Variants in PDE4D observed in about 807,000 individuals in gnomAD.
The protein encoded by PDE4D is phosphodiesterase 4D, also known as 3',5'-cyclic-AMP phosphodiesterase 4D.
In PDE4D, 24 loss-of-function variants were observed where a neutral mutation model predicts 87.4. The observed-to-expected ratio is 0.27, with a 90% CI of 0.20 to 0.39. The LOEUF (loss-of-function observed/expected upper bound fraction) is 0.39, where lower values mean the gene tolerates loss of function less well. Among genes scored for constraint, PDE4D ranks in the 10% least tolerant of loss-of-function variants. PDE4D has a pLI of 1.00. For synonymous variants in PDE4D, 384 were observed against 383.2 expected (o/e 1.00, Z -0.02); for missense variants, 714 against 1,041.0 (o/e 0.69, Z 4.32).
intron 9 of PDE4D, 64 bp from the exon 10 acceptor site, chr5:58,989,983 GT>G: frequency 1.2e-6 from 1 of 837,024 alleles, no homozygotes; most frequent in Non-Finnish European, 1.7e-6. Context: ...CATAGAGTAT[GT>G]TTAAAAAAAA....
intron 1 of PDE4D, among the ~76,000 whole-genome samples, chr5:59,774,118 A>G (rs2152612731): frequency 6.6e-6 from 1 of 152,302 alleles, no homozygotes; most frequent in South Asian, 2.1e-4. Context: ...GGATTTTTAG[A>G]CTTTTTACTA....
At chr5:59,116,923 G>A (rs1484696673) in intron 5 of PDE4D, among the ~76,000 whole-genome samples, 2 of 152,242 alleles carry the variant, frequency 1.3e-5, no homozygotes, top group Non-Finnish European at 2.9e-5. Context: ...CTTTCTGCAA[G>A]ATGAGAGGTT....
chr5:59,370,652 A>G (rs1783798604), intron 1 of PDE4D, among the ~76,000 whole-genome samples: 1 of 152,172 alleles, frequency 6.6e-6, no homozygotes, highest in Non-Finnish European at 1.5e-5. Flanking sequence ...TGTATTTCAT[A>G]TATTTTGTAC....
chr5:59,582,677 C>G (rs1322959803), intron 1 of PDE4D, among the ~76,000 whole-genome samples: 1 of 152,050 alleles, frequency 6.6e-6, no homozygotes, highest in Non-Finnish European at 1.5e-5. Context: ...AAACAAATAA[C>G]TTTCTAGACT....
At chr5:59,031,569 G>A (rs570487690) in intron 6 of PDE4D, among the ~76,000 whole-genome samples, 12 of 148,480 alleles carry the variant, frequency 8.1e-5, no homozygotes, top group African/African-American at 2.0e-4. Context: ...TTAGTGGGGC[G>A]TGGTAGCGGG....
At chr5:59,824,241 T>G (rs1449358211) in intron 1 of PDE4D, among the ~76,000 whole-genome samples, 1 of 152,214 alleles carries the variant, frequency 6.6e-6, no homozygotes, top group Non-Finnish European at 1.5e-5. Flanking sequence ...TAATGAGATA[T>G]TTTACATTCT....
At chr5:60,206,749 C>T (rs980507829) in intron 1 of PDE4D, among the ~76,000 whole-genome samples, 2 of 152,142 alleles carry the variant, frequency 1.3e-5, no homozygotes, top group Non-Finnish European at 2.9e-5. Flanking sequence ...AGGACTCATA[C>T]CTATACAGGA....
intron 3 of PDE4D, among the ~76,000 whole-genome samples, chr5:59,957,392 A>G (rs1324988029): frequency 6.6e-6 from 1 of 151,590 alleles, no homozygotes; most frequent in East Asian, 1.9e-4. Context: ...TTTGCTATCA[A>G]CTCAGTAACT....
chr5:59,025,555 G>A (rs1018742340), intron 6 of PDE4D, among the ~76,000 whole-genome samples: 5 of 152,004 alleles, frequency 3.3e-5, no homozygotes, highest in African/African-American at 1.2e-4. Flanking sequence ...TCTCTATTGG[G>A]TTTGGATTGG....
intron 1 of PDE4D, among the ~76,000 whole-genome samples, chr5:59,424,289 A>T (rs1794899041): frequency 6.6e-6 from 1 of 152,200 alleles, no homozygotes; most frequent in African/African-American, 2.4e-5. Flanking sequence ...AATTAGAACA[A>T]ATTCTGAGGA....
At chr5:59,788,226 A>T (rs1387427815) in intron 1 of PDE4D, among the ~76,000 whole-genome samples, 4 of 152,200 alleles carry the variant, frequency 2.6e-5, no homozygotes, top group African/African-American at 7.2e-5. Context: ...GTGTCATTTC[A>T]AAGAAAAAAA....
Position 59,550,230 on chromosome 5 carries a change from C to T in PDE4D, c.456-334262G>A, listed in dbSNP as rs548558760. ...CCTTATGCATCAGTATCCTATCATA[C>T]ACATTTACCTTGATAACATATCAAG... On this transcript the variant is annotated intron_variant, in intron 1 of 14. Transcript: ENST00000340635. Among the ~76,000 whole-genome samples the T allele has an allele frequency of 2.1e-4, 32 of 152,034 alleles. 1 individual carries two copies. Among genetic ancestry groups the T allele is most frequent in the Admixed American group, 1.4e-3 (22 of 15,256 alleles).
chr5:59,912,754 G>T (rs1460163353), intron 3 of PDE4D, among the ~76,000 whole-genome samples: 1 of 152,126 alleles, frequency 6.6e-6, no homozygotes, highest in African/African-American at 2.4e-5. Flanking sequence ...TCCACTCATT[G>T]GGGATACTGT....
chr5:59,351,276 G>T (rs1780494201), intron 1 of PDE4D, among the ~76,000 whole-genome samples: 1 of 152,134 alleles, frequency 6.6e-6, no homozygotes, highest in Admixed American at 6.6e-5. Context: ...GGTCTGTTTG[G>T]CTCTAGAGCC....
intron 5 of PDE4D, chr5:59,157,104 A>C: frequency 2.4e-6 from 1 of 415,410 alleles, no homozygotes. Flanking sequence ...TTGTGAGAAA[A>C]TGTATTGAAA....
intron 1 of PDE4D, among the ~76,000 whole-genome samples, chr5:59,573,379 T>C (rs897798598): frequency 2.6e-5 from 4 of 152,158 alleles, no homozygotes; most frequent in African/African-American, 7.2e-5. Flanking sequence ...AGGCTTCAAG[T>C]AAGACATACA....
At chr5:59,708,250 T>C (rs1753731615) in intron 1 of PDE4D, among the ~76,000 whole-genome samples, 1 of 152,166 alleles carries the variant, frequency 6.6e-6, no homozygotes, top group African/African-American at 2.4e-5. Context: ...GCTGCATGAA[T>C]GTCTTCTTTT....
chr5:59,766,457 T>G (rs770803762), intron 1 of PDE4D, among the ~76,000 whole-genome samples: 11 of 152,166 alleles, frequency 7.2e-5, no homozygotes, highest in African/African-American at 2.7e-4. Context: ...AAAGCCTATT[T>G]TCATGGGATT....
rs143038256 is a variant in PDE4D, at chr5:59,242,591, G to A, written c.456-26623C>T. On this transcript the variant is annotated intron_variant, in intron 1 of 14. Transcript: ENST00000340635. ...CCAGCAATGCTAATCACTTAAAATT[G>A]TACATTTACATTTTCCAATGCAGGA... Among the ~76,000 whole-genome samples, 84 of 152,212 alleles carry A rather than the reference G, an allele frequency of 5.5e-4. 1 individual carries two copies. Among genetic ancestry groups the A allele is most frequent in the Middle Eastern group, 3.4e-3 (1 of 290 alleles).
Sources: gnomAD v4.1 joint callset for allele counts (sites outside exome capture counted in the v4.1 genomes callset) on GRCh38, gnomAD v4.1.1 for gene constraint, MANE v1.5 for transcripts, NCBI Gene and HGNC (gene_info 2026-07-23, HGNC 2026-07-21) for gene names.